Variants in CERS6 observed in about 807,000 individuals in gnomAD.
CERS6 encodes the protein ceramide synthase 6.
A neutral mutation model predicts 56.8 loss-of-function variants in CERS6; 26 were observed. The observed-to-expected ratio is 0.46, with a 90% CI of 0.34 to 0.63. The LOEUF (loss-of-function observed/expected upper bound fraction) is 0.63. Among genes scored for constraint, CERS6 ranks in the 30% least tolerant of loss-of-function variants. CERS6 has a pLI of 0.01. For synonymous variants in CERS6, 164 were observed against 173.3 expected, an observed-to-expected ratio of 0.95 and a Z score of 0.42; for missense variants, 415 against 467.5, an observed-to-expected ratio of 0.89 and a Z score of 1.04.
At chr2:168,592,339 G>C (rs1245525773) in intron 3 of CERS6, among the ~76,000 whole-genome samples, 8 of 152,310 alleles carry the variant, frequency 5.3e-5, no homozygotes, top group African/African-American at 1.9e-4. Flanking sequence ...TGGAGAGCCT[G>C]AGCTGCCCCA....
chr2:168,579,090 G>C (rs1683346876), intron 3 of CERS6, among the ~76,000 whole-genome samples: 1 of 152,132 alleles, frequency 6.6e-6, no homozygotes, highest in Non-Finnish European at 1.5e-5. Context: ...AAAGAAGAGA[G>C]AATAGTATAA....
chr2:168,691,281 C>T lies in CERS6; in HGVS notation c.516+197C>T, dbSNP rs117871054. Among the ~76,000 whole-genome samples, 26 of 152,204 alleles carry T rather than the reference C, an allele frequency of 1.7e-4. No homozygotes were observed. The East Asian group carries it at 3.1e-3, about 18-fold the overall frequency. ...CTTAGTGAAGTTCAGAATCAAGGCC[C>T]GATTGCCCTAGCAGATGGAGTCAGC... On this transcript the variant is annotated intron_variant, in intron 5 of 9. Coordinates refer to ENST00000305747, the MANE Select transcript of CERS6 (RefSeq NM_203463.3).
At chr2:168,596,198 A>G (rs1339096933) in intron 3 of CERS6, among the ~76,000 whole-genome samples, 1 of 152,186 alleles carries the variant, frequency 6.6e-6, no homozygotes, top group Non-Finnish European at 1.5e-5. Context: ...ATGAACCACA[A>G]AGAGAAGAGG....
At chr2:168,737,262 C>A (rs185748489) in intron 8 of CERS6, among the ~76,000 whole-genome samples, 1 of 152,196 alleles carries the variant, frequency 6.6e-6, no homozygotes, top group African/African-American at 2.4e-5. Context: ...CCTTTCAAGA[C>A]TGATTCAATT....
At chr2:168,764,490 C>T (rs1299551139) in intron 8 of CERS6, among the ~76,000 whole-genome samples, 2 of 152,152 alleles carry the variant, frequency 1.3e-5, no homozygotes, top group Admixed American at 6.5e-5. Flanking sequence ...TTCCAATACT[C>T]ATTTCAAGGC....
At chr2:168,617,931 A>C (rs754252633) in intron 3 of CERS6, among the ~76,000 whole-genome samples, 1 of 152,186 alleles carries the variant, frequency 6.6e-6, no homozygotes, top group Non-Finnish European at 1.5e-5. Context: ...CATAACCAAA[A>C]AAGAAAACTA....
intron 4 of CERS6, among the ~76,000 whole-genome samples, chr2:168,673,618 A>C (rs1685978673): frequency 6.6e-6 from 1 of 152,226 alleles, no homozygotes; most frequent in South Asian, 2.1e-4. Context: ...TGGCTTACTC[A>C]GTGTCACCCA....
intron 3 of CERS6, among the ~76,000 whole-genome samples, chr2:168,614,270 T>G (rs894222609): frequency 1.3e-5 from 2 of 152,220 alleles, no homozygotes; most frequent in African/African-American, 2.4e-5. Context: ...ATACACATAT[T>G]TTCATAATAT....
intron 3 of CERS6, among the ~76,000 whole-genome samples, chr2:168,573,778 G>T (rs373077382): frequency 1.3e-5 from 2 of 152,036 alleles, no homozygotes; most frequent in African/African-American, 2.4e-5. Context: ...AGTAGGTGAG[G>T]GGTTGGAGCA....
chr2:168,584,168 C>T (rs1248798249), intron 3 of CERS6, among the ~76,000 whole-genome samples: 1 of 152,190 alleles, frequency 6.6e-6, no homozygotes, highest in Non-Finnish European at 1.5e-5. Flanking sequence ...TTAAGATTAA[C>T]TTTCTCCAAA....
intron 3 of CERS6, among the ~76,000 whole-genome samples, chr2:168,598,205 G>A (rs1683847904): frequency 6.6e-6 from 1 of 152,120 alleles, no homozygotes; most frequent in Admixed American, 6.5e-5. Flanking sequence ...TCTCAAACTG[G>A]CATTGATTGA....
chr2:168,671,700 A>G (rs1453104326), intron 4 of CERS6, among the ~76,000 whole-genome samples: 1 of 152,174 alleles, frequency 6.6e-6, no homozygotes, highest in Non-Finnish European at 1.5e-5. Flanking sequence ...TGTTATTTCT[A>G]TTTGCAACTC....
intron 4 of CERS6, among the ~76,000 whole-genome samples, chr2:168,634,754 C>T (rs146843330): frequency 6.6e-6 from 1 of 152,246 alleles, no homozygotes; most frequent in African/African-American, 2.4e-5. Flanking sequence ...CGCACACACG[C>T]ATGTATGTAA....
At chr2:168,561,940 A>G (rs1473008996) in intron 3 of CERS6, among the ~76,000 whole-genome samples, 1 of 152,198 alleles carries the variant, frequency 6.6e-6, no homozygotes, top group Non-Finnish European at 1.5e-5. Context: ...ATTTTGAAGT[A>G]GTGATACTTC....
In CERS6 at chr2:168,561,375, C is replaced by G. The variant is rs1432567199; in HGVS notation, c.407+53C>G. The stretch of plus-strand genomic sequence containing the variant: ...AAAAGACCTAAGTACTCATGCCAAC[C>G]CTGAGGTGAAAAATAAAAGATCTGT... On this transcript the variant is annotated intron_variant, in intron 3 of 9. Coordinates refer to ENST00000305747, the MANE Select transcript of CERS6 (RefSeq NM_203463.3). The G allele has an allele frequency of 5.0e-6, 8 of 1,604,092 alleles. No homozygotes were observed. In the Admixed American group the frequency reaches 1.2e-4, roughly 24 times the overall value.
chr2:168,633,903 T>A (rs976474884), intron 4 of CERS6, among the ~76,000 whole-genome samples: 1 of 152,192 alleles, frequency 6.6e-6, no homozygotes, highest in Non-Finnish European at 1.5e-5. Context: ...GTGTAGTGGA[T>A]CCATTTTAAG....
chr2:168,487,977 C>T lies in CERS6; in HGVS notation c.170+31359C>T, dbSNP rs556964595. Among the ~76,000 whole-genome samples the T allele has an allele frequency of 3.3e-5, 5 of 152,268 alleles. No individual in the cohort carries two copies. In the South Asian group the frequency reaches 1.0e-3, roughly 32 times the overall value. Reference sequence around the variant, plus strand: ...TCAAGTGATCTTCCCACCTTGGCCTCCCAAAGTACTGGGATTACAGGCATT... The same window carrying T: ...TCAAGTGATCTTCCCACCTTGGCCTTCCAAAGTACTGGGATTACAGGCATT... On this transcript the variant is annotated intron_variant, in intron 1 of 9. Coordinates refer to ENST00000305747, the MANE Select transcript of CERS6 (RefSeq NM_203463.3).
At chr2:168,658,969 GATATCGTGA>G (rs758342544) in intron 4 of CERS6, among the ~76,000 whole-genome samples, 3 of 152,202 alleles carry the variant, frequency 2.0e-5, no homozygotes, top group Non-Finnish European at 4.4e-5. Flanking sequence ...CCTGTCACTG[GATATCGTGA>G]GAATATCAGG....
intron 4 of CERS6, among the ~76,000 whole-genome samples, chr2:168,652,961 T>G (rs1685381551): frequency 6.6e-6 from 1 of 152,244 alleles, no homozygotes; most frequent in East Asian, 1.9e-4. Context: ...GTATTCTTTT[T>G]CCATAGACAT....
Sources: gnomAD v4.1 joint callset for allele counts (sites outside exome capture counted in the v4.1 genomes callset) on GRCh38, gnomAD v4.1.1 for gene constraint, MANE v1.5 for transcripts, NCBI Gene and HGNC (gene_info 2026-07-23, HGNC 2026-07-21) for gene names.